AHCY: variants seen among roughly 807,000 people sequenced by gnomAD.
The protein encoded by AHCY is S-adenosyl-L-homocysteine hydrolase.
AHCY carries 24 observed loss-of-function variants against 45.4 expected under a neutral mutation model. The ratio of observed to expected loss-of-function variants is 0.53; its 90% CI spans 0.38 to 0.74. The LOEUF is 0.74. Among genes scored for constraint, AHCY ranks in the 30% least tolerant of loss-of-function variants. The pLI is 0.00. For synonymous variants in AHCY, 245 were observed against 235.1 expected, an observed-to-expected ratio of 1.04 and a Z score of -0.39; for missense variants, 449 against 594.1, an observed-to-expected ratio of 0.76 and a Z score of 2.54.
Position 34,303,298 on chromosome 20 carries a change from C to G in AHCY, c.-28G>C, listed in dbSNP as rs1460754421. 1.3e-6 allele frequency: 2 copies of G among 1,551,612 alleles called. No individual in the cohort carries two copies. The highest frequency in any genetic ancestry group is 1.7e-6 in the Non-Finnish European group (2 of 1,146,992). On this transcript the variant is annotated 5_prime_UTR_variant, in exon 1 of 10. Transcript: ENST00000217426. Reference sequence around the variant, plus strand: ...TGGCGGCACTCGTGATGGAAACGGGCGAAGGGGGCTGGGCCTCAGTCTGGG... The same window carrying G: ...TGGCGGCACTCGTGATGGAAACGGGGGAAGGGGGCTGGGCCTCAGTCTGGG...
At chr20:34,303,423 G>A, upstream of AHCY, 1 of 1,137,674 alleles carries the variant, frequency 8.8e-7, no homozygotes, top group Admixed American at 2.1e-5. Flanking sequence ...CCGCTGGGGC[G>A]GGGCCCAACG....
chr20:34,239,126 T>C, the AHCY span, among the ~76,000 whole-genome samples: 39 of 152,182 alleles, frequency 2.6e-4, no homozygotes, highest in Non-Finnish European at 4.7e-4. Flanking sequence ...CTGCTTTCTT[T>C]CCCTGCTTTT....
chr20:34,235,837 G>GA, the AHCY span, among the ~76,000 whole-genome samples: 2 of 59,750 alleles, frequency 3.3e-5, no homozygotes, highest in Admixed American at 2.0e-4. Flanking sequence ...AAGAAAGAAA[G>GA]AAAGAAGGAA....
At chr20:34,253,507 C>G in the AHCY span, among the ~76,000 whole-genome samples, 1 of 150,884 alleles carries the variant, frequency 6.6e-6, no homozygotes, top group Admixed American at 6.6e-5. Flanking sequence ...GAGTCTTGCT[C>G]CGTTGCCCAG....
chr20:34,290,943 A>G lies in AHCY; in HGVS notation c.559-5T>C, dbSNP rs770440463. ...ATAGAGGTTGTCAAACTTGCTCTGA[A>G]AGGAAAGGGGGTAAGGAGACAATAG... On this transcript the variant is annotated splice_polypyrimidine_tract_variant and splice_region_variant and intron_variant, in intron 5 of 9. Coordinates refer to ENST00000217426, the MANE Select transcript of AHCY (RefSeq NM_000687.4). The surrounding 1 kb of genome is among the most constrained non-coding windows in gnomAD (Gnocchi z 4.5). The G allele has an allele frequency of 1.2e-6, 2 of 1,613,838 alleles. No homozygotes were observed. The highest frequency in any genetic ancestry group is 1.7e-5 in the Admixed American group (1 of 60,020).
the AHCY span, chr20:34,263,019 C>A: frequency 9.1e-7 from 1 of 1,097,566 alleles, no homozygotes; most frequent in Non-Finnish European, 1.3e-6. Flanking sequence ...ACAAAAGAAA[C>A]TGAAAGCTAC....
chr20:34,244,173 G>A, the AHCY span, among the ~76,000 whole-genome samples: 8 of 152,306 alleles, frequency 5.3e-5, 1 homozygote, highest in Admixed American at 6.5e-5. Flanking sequence ...CAGCAATTTA[G>A]AACAAACACC....
the AHCY span, among the ~76,000 whole-genome samples, chr20:34,258,346 C>CTT: frequency 0.13 from 17,587 of 138,328 alleles, 1,113 homozygotes; most frequent in East Asian, 0.22. Flanking sequence ...GTTGGATATT[C>CTT]TTTTTTTTTT....
chr20:34,277,383 TTCTC>T (rs1411701768), downstream of AHCY, among the ~76,000 whole-genome samples: 1 of 152,090 alleles, frequency 6.6e-6, no homozygotes, highest in African/African-American at 2.4e-5. Flanking sequence ...ATCCTATGAC[TTCTC>T]TAATTTTCTA....
chr20:34,293,817 G>A (rs746820556), intron 3 of AHCY: 1 of 534,564 alleles, frequency 1.9e-6, no homozygotes, highest in Non-Finnish European at 3.4e-6. Flanking sequence ...CTTCCCCTCC[G>A]CTTCATCATG....
downstream of AHCY, among the ~76,000 whole-genome samples, chr20:34,278,574 C>T (rs993730384): frequency 4.6e-5 from 7 of 152,108 alleles, no homozygotes; most frequent in Admixed American, 1.3e-4. Context: ...TCCAGAGTTC[C>T]TGATCTAATG....
the AHCY span, among the ~76,000 whole-genome samples, chr20:34,273,966 AG>A: frequency 1.1e-5 from 1 of 90,824 alleles, no homozygotes; most frequent in Non-Finnish European, 2.8e-5. Context: ...AGAGTCTGGG[AG>A]GTGGCACCTT....
At chr20:34,233,412 G>T in the AHCY span, among the ~76,000 whole-genome samples, 1 of 152,060 alleles carries the variant, frequency 6.6e-6, no homozygotes, top group African/African-American at 2.4e-5. Flanking sequence ...CTCCCACAGT[G>T]CTGGGATTAC....
intron 8 of AHCY, chr20:34,285,942 A>C: frequency 2.8e-6 from 1 of 352,812 alleles, no homozygotes. Flanking sequence ...CTACTAAAAA[A>C]AAAATACAAA....
chr20:34,237,051 T>G, the AHCY span, among the ~76,000 whole-genome samples: 1 of 152,354 alleles, frequency 6.6e-6, no homozygotes, highest in Non-Finnish European at 1.5e-5. Flanking sequence ...CCTTTATTTA[T>G]TCTATTATGG....
intron 1 of AHCY, among the ~76,000 whole-genome samples, chr20:34,299,777 A>C (rs2036708883): frequency 6.6e-6 from 1 of 152,200 alleles, no homozygotes. Context: ...TACTCTGCCC[A>C]AAAACTTAAG....
At chr20:34,257,066 T>C in the AHCY span, among the ~76,000 whole-genome samples, 4 of 93,546 alleles carry the variant, frequency 4.3e-5, no homozygotes, top group South Asian at 6.3e-4. Flanking sequence ...CTCTCTTTCT[T>C]TCTCTTTTTT....
At chr20:34,272,152 T>A in the AHCY span, among the ~76,000 whole-genome samples, 6 of 152,288 alleles carry the variant, frequency 3.9e-5, no homozygotes, top group East Asian at 1.2e-3. Flanking sequence ...GTCCTTGCAC[T>A]GGACCATTCA....
At chr20:34,250,811 G>A in the AHCY span, among the ~76,000 whole-genome samples, 1 of 152,000 alleles carries the variant, frequency 6.6e-6, no homozygotes, top group Non-Finnish European at 1.5e-5. Flanking sequence ...CACATGACTG[G>A]GAGACTGTAG....
Sources: allele counts gnomAD v4.1 joint callset (sites outside exome capture counted in the v4.1 genomes callset), GRCh38; gene constraint gnomAD v4.1.1; non-coding constraint Gnocchi (gnomAD v3.1); transcripts MANE v1.5; gene names NCBI Gene and HGNC (gene_info 2026-07-23, HGNC 2026-07-21).